The following CBLB variants were observed in gnomAD, a reference collection of about 807,000 sequenced individuals.
CBLB encodes the protein E3 ubiquitin-protein ligase CBL-B.
A neutral mutation model predicts 104.9 loss-of-function variants in CBLB; 31 were observed. The ratio of observed to expected loss-of-function variants is 0.30; its 90% CI spans 0.22 to 0.40. The LOEUF is 0.40. Among genes scored for constraint, CBLB ranks in the 10% least tolerant of loss-of-function variants. The pLI is 1.00. For synonymous variants in CBLB, 440 were observed against 422.6 expected, an observed-to-expected ratio of 1.04 and a Z score of -0.51; for missense variants, 1,062 against 1,214.6, an observed-to-expected ratio of 0.87 and a Z score of 1.87.
chr3:105,763,176 C>T (rs2077834438), intron 4 of CBLB, among the ~76,000 whole-genome samples: 1 of 152,166 alleles, frequency 6.6e-6, no homozygotes, highest in South Asian at 2.1e-4. Context: ...AAGTAACTAA[C>T]TTGCTTTTGA....
chr3:105,662,696 C>T (rs549688736), intron 18 of CBLB, among the ~76,000 whole-genome samples: 1 of 152,232 alleles, frequency 6.6e-6, no homozygotes, highest in African/African-American at 2.4e-5. Flanking sequence ...GAAACAATGT[C>T]TTGCACTAAA....
intron 9 of CBLB, among the ~76,000 whole-genome samples, chr3:105,723,235 A>G (rs2073136985): frequency 1.3e-5 from 2 of 152,180 alleles, no homozygotes; most frequent in African/African-American, 2.4e-5. Context: ...CTTCAATACA[A>G]TAATTAAAAT....
At chr3:105,685,519 C>A in intron 13 of CBLB, 53 bp from the exon 14 acceptor site, 1 of 1,450,268 alleles carries the variant, frequency 6.9e-7, no homozygotes, top group Non-Finnish European at 9.6e-7. Flanking sequence ...TCAAAACAGG[C>A]AAGTCTGATG....
intron 3 of CBLB, among the ~76,000 whole-genome samples, chr3:105,804,297 G>A (rs2083245538): frequency 6.7e-6 from 1 of 150,014 alleles, no homozygotes; most frequent in East Asian, 1.9e-4. Flanking sequence ...GAGGCGGGTG[G>A]ATCACAAGGC....
chr3:105,827,479 T>A (rs1239410835), intron 3 of CBLB, among the ~76,000 whole-genome samples: 1 of 149,992 alleles, frequency 6.7e-6, no homozygotes, highest in Admixed American at 6.7e-5. Flanking sequence ...GTAACTGAAT[T>A]TTACCAGTGT....
At chr3:105,775,697 C>T (rs995110931) in intron 4 of CBLB, among the ~76,000 whole-genome samples, 3 of 152,186 alleles carry the variant, frequency 2.0e-5, no homozygotes, top group African/African-American at 7.2e-5. Flanking sequence ...AAAAGTTTTG[C>T]AACTTTTATA....
At chr3:105,839,382 T>G (rs2153092762) in intron 3 of CBLB, 1 of 152,334 alleles carries the variant, frequency 6.6e-6, no homozygotes, top group South Asian at 2.1e-4. Flanking sequence ...TAGGAAATGT[T>G]AGTTTCATAG....
At chr3:105,702,032 C>A in intron 12 of CBLB, 62 bp downstream of exon 12, 1 of 1,597,406 alleles carries the variant, frequency 6.3e-7, no homozygotes, top group Admixed American at 1.7e-5. Flanking sequence ...ACCTTTTATG[C>A]TACTGACCAT....
rs537704614 is a variant in CBLB, at chr3:105,672,135, C to G, written c.2570-1783G>C. 3 of 192,020 alleles carry G rather than the reference C, an allele frequency of 1.6e-5. No homozygotes were observed. The Admixed American group carries it at 1.8e-4, about 12-fold the overall frequency. 11.9% of individuals were successfully genotyped at this position (192,020 alleles called of 1,614,324 possible). A position where few individuals can be genotyped will look rare whatever the true frequency, so the allele number is the denominator to read the frequency against. ...ATACATACACTTGCTTATTTCTTTA[C>G]GGGAAATTTATAGGTTTGTCAAATA... On this transcript the variant is annotated intron_variant, in intron 17 of 18. Coordinates refer to ENST00000394030, the MANE Select transcript of CBLB (RefSeq NM_170662.5).
chr3:105,762,609 T>C (rs560544963), intron 4 of CBLB, among the ~76,000 whole-genome samples: 1 of 152,210 alleles, frequency 6.6e-6, no homozygotes, highest in Non-Finnish European at 1.5e-5. Context: ...AGTTAAGGTA[T>C]AGGAATCTCT....
chr3:105,847,791 T>C (rs532020532), intron 3 of CBLB, among the ~76,000 whole-genome samples: 14 of 152,218 alleles, frequency 9.2e-5, no homozygotes, highest in African/African-American at 3.1e-4. Context: ...TAATACACAC[T>C]TTTCAGAAGA....
chr3:105,762,430 T>C (rs2077736010), intron 4 of CBLB: 2 of 152,264 alleles, frequency 1.3e-5, no homozygotes. Flanking sequence ...TCATTGGCTG[T>C]ACCCAAGGCC....
intron 3 of CBLB, among the ~76,000 whole-genome samples, chr3:105,803,141 A>T (rs1332991197): frequency 2.0e-5 from 3 of 152,226 alleles, no homozygotes; most frequent in South Asian, 4.1e-4. Context: ...TTCACTGAGC[A>T]AGCAATTTCA....
Position 105,751,617 on chromosome 3 carries a change from T to C in CBLB, c.568A>G (p.Thr190Ala). 1 of 1,613,070 alleles carries C rather than the reference T, an allele frequency of 6.2e-7. No homozygotes were observed. Among genetic ancestry groups the C allele is most frequent in the Non-Finnish European group, 8.5e-7 (1 of 1,179,094 alleles). The part of the protein sequence containing the change: ...EFWRKFFGDK[T>A]IVPWKVFRQC... Reference sequence around the variant, plus strand: ...CTGAATACTTTCCATGGTACGATAGTTCTGTGCAAGGTGGAAAAAAAGGGA... The same window carrying C: ...CTGAATACTTTCCATGGTACGATAGCTCTGTGCAAGGTGGAAAAAAAGGGA... The change falls in exon 5 of 19, where the codon ACT (threonine) becomes GCT (alanine). Residue 190 changes from threonine (T) to alanine (A), a missense_variant and splice_region_variant. Physicochemically the swap from Thr to Ala is moderately conservative, Grantham distance 58. This residue lies in a region of CBLB where 457 missense variants were observed against 632.0 expected (regional missense o/e 0.72). Transcript: ENST00000394030.
intron 2 of CBLB, among the ~76,000 whole-genome samples, chr3:105,856,908 T>A (rs1298846399): frequency 6.6e-6 from 1 of 152,148 alleles, no homozygotes; most frequent in African/African-American, 2.4e-5. Flanking sequence ...ATTTAACAAA[T>A]CCTGCTTGAA....
intron 9 of CBLB, among the ~76,000 whole-genome samples, chr3:105,730,484 A>G (rs4894944): frequency 0.52 from 79,065 of 152,004 alleles, 21,215 homozygotes; most frequent in Middle Eastern, 0.66. Context: ...CTAGCATGCA[A>G]TCTATAAGTA....
chr3:105,768,636 GTC>G (rs1307287451), intron 4 of CBLB, among the ~76,000 whole-genome samples: 1 of 152,198 alleles, frequency 6.6e-6, no homozygotes, highest in Admixed American at 6.5e-5. Flanking sequence ...TAATAAATGT[GTC>G]TGTTTTCACC....
At chr3:105,801,056 AC>A (rs2082804321) in intron 3 of CBLB, among the ~76,000 whole-genome samples, 1 of 152,158 alleles carries the variant, frequency 6.6e-6, no homozygotes, top group African/African-American at 2.4e-5. Context: ...TAAATATTTC[AC>A]TAATGAATTC....
At chr3:105,823,543 G>A (rs2153062715) in intron 3 of CBLB, among the ~76,000 whole-genome samples, 1 of 152,180 alleles carries the variant, frequency 6.6e-6, no homozygotes, top group African/African-American at 2.4e-5. Flanking sequence ...CATATTATTT[G>A]GTTAGCTTAA....
Sources: gnomAD v4.1 joint callset for allele counts (sites outside exome capture counted in the v4.1 genomes callset) on GRCh38, gnomAD v4.1.1 for gene constraint, gnomAD v4.1.1 regional missense constraint, MANE v1.5 for transcripts, NCBI Gene and HGNC (gene_info 2026-07-23, HGNC 2026-07-21) for gene names.